Variants in PRDM6 observed in about 807,000 individuals in gnomAD.
PRDM6 encodes putative histone-lysine N-methyltransferase PRDM6.
PRDM6 carries 25 observed loss-of-function variants against 60.8 expected under a neutral mutation model. That is an observed-to-expected ratio of 0.41 (90% CI 0.30 to 0.57). The LOEUF is 0.57. Ranked by LOEUF, PRDM6 falls within the 20% of genes least tolerant of loss-of-function variation. The pLI is 0.27. For missense variants in PRDM6, 839 were observed against 821.3 expected, an observed-to-expected ratio of 1.02 and a Z score of -0.26; for synonymous variants, 407 against 357.4, an observed-to-expected ratio of 1.14 and a Z score of -1.57.
intron 7 of PRDM6, among the ~76,000 whole-genome samples, chr5:123,184,545 C>G (rs1456162003): frequency 6.6e-6 from 1 of 152,132 alleles, no homozygotes; most frequent in Non-Finnish European, 1.5e-5. Flanking sequence ...CCTTCTTACT[C>G]TGTTACACTG....
chr5:123,180,397 TGCTGCCTGGCTTA>T, intron 7 of PRDM6, 74 bp downstream of exon 7: 1 of 1,425,536 alleles, frequency 7.0e-7, no homozygotes, highest in Non-Finnish European at 9.4e-7. Flanking sequence ...ATCAGCACAG[TGCTGCCTGGCTTA>T]GCCAGCTGGC....
chr5:123,113,799 A>G (rs1012067003), intron 3 of PRDM6, among the ~76,000 whole-genome samples: 4 of 152,194 alleles, frequency 2.6e-5, no homozygotes, highest in African/African-American at 7.2e-5. Context: ...CAGACAGAGC[A>G]GTTATAGCTT....
At chr5:123,093,932 G>A (rs1234260411) in intron 2 of PRDM6, among the ~76,000 whole-genome samples, 1 of 152,022 alleles carries the variant, frequency 6.6e-6, no homozygotes, top group Non-Finnish European at 1.5e-5. Flanking sequence ...GTGTCTCGGG[G>A]GAGAGTTGGA....
chr5:123,162,659 A>G (rs1446467575), intron 5 of PRDM6, among the ~76,000 whole-genome samples: 2 of 152,214 alleles, frequency 1.3e-5, no homozygotes, highest in African/African-American at 4.8e-5. Flanking sequence ...GCCATTGACT[A>G]AAGTGCTCAA....
intron 3 of PRDM6, among the ~76,000 whole-genome samples, chr5:123,128,545 C>T (rs550238751): frequency 2.0e-5 from 3 of 152,236 alleles, no homozygotes; most frequent in South Asian, 2.1e-4. Context: ...TTTCATGTGT[C>T]GTTTGGCTGC....
chr5:123,186,809 C>G (rs971231000), intron 7 of PRDM6, among the ~76,000 whole-genome samples: 2 of 152,222 alleles, frequency 1.3e-5, no homozygotes, highest in Admixed American at 1.3e-4. Flanking sequence ...TGTTCTTTAT[C>G]TATTTGAACT....
At chr5:123,138,031 C>CCA (rs1765006121) in intron 3 of PRDM6, among the ~76,000 whole-genome samples, 3 of 151,696 alleles carry the variant, frequency 2.0e-5, no homozygotes, top group Non-Finnish European at 4.4e-5. Context: ...GGGTTCACCC[C>CCA]CGCACCTTTC....
chr5:123,170,803 A>G lies in PRDM6; in HGVS notation c.1191A>G (p.Arg397=). The change falls in exon 6 of 8, where the codon AGA becomes AGG. Residue 397 remains arginine, a synonymous_variant. Coordinates refer to ENST00000407847, the MANE Select transcript of PRDM6 (RefSeq NM_001136239.4). ...CAACGGTAATGGAAGCCATGTGCAG[A>G]CAAGACGCCCTGCAGCCCTTCAACA... The part of the protein sequence containing the change: ...VPSTVMEAMC[R]QDALQPFNKS... 6.4e-7 allele frequency: 1 copy of G among 1,551,970 alleles called. No individual in the cohort carries two copies. The highest frequency in any genetic ancestry group is 8.7e-7 in the Non-Finnish European group (1 of 1,147,050).
intron 3 of PRDM6, among the ~76,000 whole-genome samples, chr5:123,136,187 C>G (rs1764945452): frequency 1.3e-5 from 2 of 152,168 alleles, no homozygotes; most frequent in South Asian, 4.1e-4. Flanking sequence ...CCCCATCCCT[C>G]TCTGAAGTCA....
intron 2 of PRDM6, among the ~76,000 whole-genome samples, chr5:123,091,385 T>C (rs1218804718): frequency 6.6e-6 from 1 of 152,196 alleles, no homozygotes; most frequent in East Asian, 1.9e-4. Flanking sequence ...TTTTAGAAAT[T>C]AGGGTGACTG....
intron 2 of PRDM6, among the ~76,000 whole-genome samples, chr5:123,097,792 G>T (rs1187243308): frequency 5.9e-5 from 9 of 152,208 alleles, no homozygotes; most frequent in Non-Finnish European, 8.8e-5. Flanking sequence ...AGGAAGGACA[G>T]AAGAGGGCCT....
At chr5:123,117,016 C>G (rs1259907511) in intron 3 of PRDM6, among the ~76,000 whole-genome samples, 1 of 152,170 alleles carries the variant, frequency 6.6e-6, no homozygotes, top group Non-Finnish European at 1.5e-5. Flanking sequence ...GTTTTGTACC[C>G]TAATAAGCTG....
At position 123,193,784 on chromosome 5, in the gene PRDM6, T is replaced by C. The variant is rs1766475361; in HGVS notation, c.*6583T>C. 6.6e-6 allele frequency: 1 copy of C among 152,210 alleles called. No homozygotes were observed. Among genetic ancestry groups the C allele is most frequent in the South Asian group, 2.1e-4 (1 of 4,830 alleles). The allele number at this position is 152,210 out of a possible 1,614,324, so 9.4% of individuals were successfully genotyped here. ...TGATATTTAGATGCTATTAGGACAT[T>C]GTATACATTTCTTTAATGTGGTTAT... On this transcript the variant is annotated 3_prime_UTR_variant, in exon 8 of 8. Coordinates refer to ENST00000407847, the MANE Select transcript of PRDM6 (RefSeq NM_001136239.4).
At chr5:123,097,714 C>T (rs1337683323) in intron 2 of PRDM6, among the ~76,000 whole-genome samples, 1 of 152,114 alleles carries the variant, frequency 6.6e-6, no homozygotes, top group African/African-American at 2.4e-5. Context: ...TGAGAATACT[C>T]CCATCCAGGC....
At chr5:123,089,947 C>A in intron 1 of PRDM6, 53 bp from the exon 2 acceptor site, 1 of 1,363,712 alleles carries the variant, frequency 7.3e-7, no homozygotes. Flanking sequence ...GCCCTCTTCC[C>A]GGCCCCTTTC....
chr5:123,166,375 T>C (rs888015336), intron 5 of PRDM6, among the ~76,000 whole-genome samples: 11 of 152,236 alleles, frequency 7.2e-5, no homozygotes, highest in African/African-American at 2.7e-4. Flanking sequence ...TTTCCTGATA[T>C]CCTTTCTTTT....
At chr5:123,093,010 A>C (rs931959582) in intron 2 of PRDM6, among the ~76,000 whole-genome samples, 5 of 152,188 alleles carry the variant, frequency 3.3e-5, no homozygotes, top group Non-Finnish European at 7.3e-5. Flanking sequence ...GGCTGTGAAA[A>C]ACAGAAGCTT....
chr5:123,090,254 G>A lies in PRDM6; in HGVS notation c.240G>A (p.Ser80=). The A allele has an allele frequency of 2.0e-6, 3 of 1,482,106 alleles. No individual in the cohort carries two copies. Among genetic ancestry groups the A allele is most frequent in the Admixed American group, 2.3e-5 (1 of 44,312 alleles). The allele number at this position is 1,482,106 out of a possible 1,614,324, so 91.8% of individuals were successfully genotyped here. ...RPRPASLSSA[S]STPASSSTSA... is the part of the protein sequence containing the mutation. ...GGCCCGCCTCTCTCTCCTCCGCCTC[G>A]TCCACGCCGGCTTCCTCTTCCACCT... is the stretch of plus-strand genomic sequence containing the variant. Residue 80 remains serine (S), a synonymous_variant, in exon 2 of 8, where the codon TCG becomes TCA. Transcript: ENST00000407847.
intron 3 of PRDM6, among the ~76,000 whole-genome samples, chr5:123,127,758 C>CCTTT (rs767465284): frequency 0.011 from 1,532 of 145,558 alleles, 20 homozygotes; most frequent in African/African-American, 0.028. Flanking sequence ...TCCTTTCTTT[C>CCTTT]CTTTCTTTCT....
Sources: allele counts gnomAD v4.1 joint callset (sites outside exome capture counted in the v4.1 genomes callset), GRCh38; gene constraint gnomAD v4.1.1; transcripts MANE v1.5; gene names NCBI Gene and HGNC (gene_info 2026-07-23, HGNC 2026-07-21).